The following GLIPR2 variants were observed in gnomAD, a reference collection of about 807,000 sequenced individuals.
GLIPR2 encodes Golgi-associated plant pathogenesis-related protein 1.
GLIPR2 carries 21 observed loss-of-function variants against 20.4 expected under a neutral mutation model. The ratio of observed to expected loss-of-function variants is 1.03; its 90% CI spans 0.73 to 1.48. The LOEUF (loss-of-function observed/expected upper bound fraction) is 1.48, where lower values mean the gene tolerates loss of function less well. Among genes scored for constraint, GLIPR2 ranks in the 40% most tolerant of loss-of-function variants. GLIPR2 has a pLI of 0.00. For synonymous variants in GLIPR2, 91 were observed against 80.5 expected, an observed-to-expected ratio of 1.13 and a Z score of -0.70; for missense variants, 205 against 200.1, an observed-to-expected ratio of 1.02 and a Z score of -0.15.
intron 4 of GLIPR2, among the ~76,000 whole-genome samples, chr9:36,153,225 G>T (rs750616066): frequency 6.6e-6 from 1 of 151,820 alleles, no homozygotes; most frequent in African/African-American, 2.4e-5. Flanking sequence ...CATGCCTTCC[G>T]TCCCTGATCT....
At chr9:36,155,533 G>A (rs1374782718) in intron 4 of GLIPR2, among the ~76,000 whole-genome samples, 2 of 152,112 alleles carry the variant, frequency 1.3e-5, no homozygotes, top group Non-Finnish European at 2.9e-5. Context: ...GGCGGAGGTT[G>A]CAGTGACATG....
chr9:36,149,553 G>A (rs1825491469), intron 3 of GLIPR2, among the ~76,000 whole-genome samples: 1 of 152,228 alleles, frequency 6.6e-6, no homozygotes, highest in African/African-American at 2.4e-5. Flanking sequence ...CCGGGAGAAG[G>A]GCATAGGTTC....
At chr9:36,157,103 G>A (rs982459548) in intron 4 of GLIPR2, among the ~76,000 whole-genome samples, 41 of 151,770 alleles carry the variant, frequency 2.7e-4, no homozygotes, top group African/African-American at 9.2e-4. Context: ...TGTAACCTCT[G>A]CCTCCCGAGT....
rs1217281598 is a variant in GLIPR2 at position 36,136,795 on chromosome 9, A to C, written c.13+4A>C. The C allele has an allele frequency of 7.7e-7, 1 of 1,300,382 alleles. No individual in the cohort carries two copies. The highest frequency in any genetic ancestry group is 9.7e-7 in the Non-Finnish European group (1 of 1,027,184). 80.6% of individuals were successfully genotyped at this position (1,300,382 alleles called of 1,614,324 possible). ...GAGCCGGCCATGGGCAAGTCAGGTG[A>C]GCCCGCGGGCTCGCCCGCTGCGGAA... On this transcript the variant is annotated splice_donor_region_variant and intron_variant, in intron 1 of 4. Transcript: ENST00000377960. The surrounding 1 kb of genome is among the most constrained non-coding windows in gnomAD (Gnocchi z 4.3).
chr9:36,149,544 C>T (rs375472411), intron 3 of GLIPR2, among the ~76,000 whole-genome samples: 14 of 152,216 alleles, frequency 9.2e-5, no homozygotes, highest in East Asian at 3.9e-4. Context: ...CGATGGGCCC[C>T]GGGAGAAGGG....
At chr9:36,147,704 G>T in intron 1 of GLIPR2, 82 bp from the exon 2 acceptor site, 1 of 764,072 alleles carries the variant, frequency 1.3e-6, no homozygotes. Context: ...GTTTGAGCTG[G>T]GTGTTGCTTT....
At chr9:36,156,386 A>T (rs1444780648) in intron 4 of GLIPR2, among the ~76,000 whole-genome samples, 100 of 17,278 alleles carry the variant, frequency 5.8e-3, no homozygotes, top group African/African-American at 0.013. Flanking sequence ...AGCCATGTCT[A>T]AAAAAAAAAA....
intron 3 of GLIPR2, among the ~76,000 whole-genome samples, chr9:36,150,000 C>T (rs532849559): frequency 2.6e-5 from 4 of 152,326 alleles, no homozygotes; most frequent in Middle Eastern, 6.8e-3. Context: ...TGCACTGCAG[C>T]TTGGGCAACA....
intron 4 of GLIPR2, chr9:36,151,159 C>G: frequency 1.7e-6 from 1 of 573,800 alleles, no homozygotes; most frequent in Non-Finnish European, 3.1e-6. Flanking sequence ...TGCTCTGCTC[C>G]CTCTGAGGGC....
intron 1 of GLIPR2, among the ~76,000 whole-genome samples, chr9:36,138,834 G>A (rs756166466): frequency 5.9e-5 from 9 of 152,198 alleles, no homozygotes; most frequent in East Asian, 1.9e-4. Context: ...ACTGCTCCGC[G>A]TGGGAGCCGA....
At chr9:36,142,849 G>A (rs567221859) in intron 1 of GLIPR2, among the ~76,000 whole-genome samples, 3 of 152,260 alleles carry the variant, frequency 2.0e-5, no homozygotes, top group East Asian at 3.9e-4. Context: ...AGGACTGGCT[G>A]CCTGGTGGGA....
At chr9:36,151,012 T>A in intron 4 of GLIPR2, 63 bp downstream of exon 4, 1 of 1,069,790 alleles carries the variant, frequency 9.3e-7, no homozygotes, top group Non-Finnish European at 1.5e-6. Context: ...GGTGTCTGAC[T>A]TCAGGGAGGA....
At chr9:36,138,030 G>A (rs568820899) in intron 1 of GLIPR2, among the ~76,000 whole-genome samples, 1 of 152,344 alleles carries the variant, frequency 6.6e-6, no homozygotes, top group Non-Finnish European at 1.5e-5. Context: ...GAGGGTGGCC[G>A]TATGAGCCCT....
chr9:36,144,488 A>T (rs540398591), intron 1 of GLIPR2: 1 of 152,138 alleles, frequency 6.6e-6, no homozygotes, highest in South Asian at 2.1e-4. Flanking sequence ...TGTTTTTCCT[A>T]TTGACAAGGG....
rs763919454 is a variant in GLIPR2, at chr9:36,147,814, G to A, written c.42G>A (p.Leu14=). ...CCAAACAGTTTCATAATGAGGTCCT[G>A]AAGGCCCACAATGAGTACCGGCAGA... is the stretch of plus-strand genomic sequence containing the variant. ...SASKQFHNEV[L]KAHNEYRQKH... The change falls in exon 2 of 5, where the codon CTG becomes CTA. Residue 14 remains leucine, a synonymous_variant. Transcript: ENST00000377960. The A allele has an allele frequency of 3.8e-6, 6 of 1,581,858 alleles. No individual in the cohort carries two copies. The highest frequency in any genetic ancestry group is 1.1e-5 in the South Asian group (1 of 90,454).
At chr9:36,139,302 C>T (rs1001044107) in intron 1 of GLIPR2, among the ~76,000 whole-genome samples, 2 of 152,024 alleles carry the variant, frequency 1.3e-5, no homozygotes, top group African/African-American at 4.8e-5. Context: ...GAGGCCACCT[C>T]CACCCCTAAC....
intron 1 of GLIPR2, among the ~76,000 whole-genome samples, chr9:36,137,843 A>G (rs1824895791): frequency 6.6e-6 from 1 of 152,232 alleles, no homozygotes; most frequent in African/African-American, 2.4e-5. Flanking sequence ...TCTGTCCTCC[A>G]AGATCTGGAC....
At chr9:36,160,367 C>T (rs896191152) in intron 4 of GLIPR2, among the ~76,000 whole-genome samples, 3 of 152,102 alleles carry the variant, frequency 2.0e-5, no homozygotes, top group Non-Finnish European at 4.4e-5. Context: ...GCGGCATGTG[C>T]CTGTGGTCCC....
chr9:36,153,122 C>CA (rs755775246), intron 4 of GLIPR2, among the ~76,000 whole-genome samples: 1,544 of 88,184 alleles, frequency 0.018, 21 homozygotes, highest in Middle Eastern at 0.044. Flanking sequence ...GACTCTGTCT[C>CA]AAAAAAAAAA....
Sources: gnomAD v4.1 joint callset for allele counts (sites outside exome capture counted in the v4.1 genomes callset) on GRCh38, gnomAD v4.1.1 for gene constraint, Gnocchi (gnomAD v3.1) non-coding constraint, MANE v1.5 for transcripts, NCBI Gene and HGNC (gene_info 2026-07-23, HGNC 2026-07-21) for gene names.